The following HACD2 variants were observed in gnomAD, a reference collection of about 807,000 sequenced individuals.
The protein encoded by HACD2 is very-long-chain (3R)-3-hydroxyacyl-CoA dehydratase 2.
In HACD2, 15 loss-of-function variants were observed where a neutral mutation model predicts 31.0. That is an observed-to-expected ratio of 0.48 (90% CI 0.32 to 0.75). The LOEUF is 0.75. Ranked by LOEUF, HACD2 falls within the 30% of genes least tolerant of loss-of-function variation. The pLI is 0.03. For missense variants in HACD2, 283 were observed against 313.0 expected (o/e 0.90, Z 0.72); for synonymous variants, 115 against 122.2 (o/e 0.94, Z 0.39).
intron 1 of HACD2, among the ~76,000 whole-genome samples, chr3:123,583,402 A>G (rs1388951713): frequency 2.0e-5 from 3 of 152,218 alleles, no homozygotes; most frequent in Non-Finnish European, 4.4e-5. Context: ...ATATATAAAT[A>G]TTAATACACA....
chr3:123,563,640 TATATACACACACAC>T (rs1171288271), intron 3 of HACD2, among the ~76,000 whole-genome samples: 1,415 of 91,226 alleles, frequency 0.016, 16 homozygotes, highest in African/African-American at 0.042. Flanking sequence ...CAAAAAAATA[TATATACACACACAC>T]ACACACACAC....
intron 2 of HACD2, among the ~76,000 whole-genome samples, chr3:123,580,641 T>C (rs113437280): frequency 6.0e-4 from 90 of 149,834 alleles, no homozygotes; most frequent in African/African-American, 2.1e-3. Flanking sequence ...AAATTATCCA[T>C]GTATGGTGGT....
intron 4 of HACD2, among the ~76,000 whole-genome samples, chr3:123,505,223 G>A (rs140222766): frequency 0.015 from 2,291 of 152,298 alleles, 63 homozygotes; most frequent in African/African-American, 0.051. Context: ...CAGAGACAAA[G>A]AGTAGAGACA....
chr3:123,580,253 T>C (rs1348890748), intron 2 of HACD2, among the ~76,000 whole-genome samples: 1 of 152,066 alleles, frequency 6.6e-6, no homozygotes, highest in African/African-American at 2.4e-5. Context: ...TGGATAACTT[T>C]CTGATCTAGA....
intron 3 of HACD2, among the ~76,000 whole-genome samples, chr3:123,530,191 T>C (rs1344316041): frequency 6.6e-6 from 1 of 152,066 alleles, no homozygotes; most frequent in Non-Finnish European, 1.5e-5. Context: ...TTTGATTTCT[T>C]TGATTTCAAA....
At position 123,562,252 on chromosome 3, in the gene HACD2, T is replaced by C. The variant is rs76011920; in HGVS notation, c.292+5510A>G. On this transcript the variant is annotated intron_variant, in intron 3 of 6. Coordinates refer to ENST00000383657, the MANE Select transcript of HACD2 (RefSeq NM_198402.5). ...TCAATACAAAACAAACCACCTACTT[T>C]GAAAAAGTTGAGGTGTGGGAACTCA... Among the ~76,000 whole-genome samples, 13 of 152,260 alleles carry C rather than the reference T, an allele frequency of 8.5e-5. No homozygotes were observed. The East Asian group carries it at 2.5e-3, about 29-fold the overall frequency.
chr3:123,544,106 T>C (rs1006364082), intron 3 of HACD2, among the ~76,000 whole-genome samples: 3 of 152,128 alleles, frequency 2.0e-5, no homozygotes, highest in Non-Finnish European at 1.5e-5. Flanking sequence ...CATCCTGTAC[T>C]AATACGGGGG....
rs543543350 is a variant in HACD2 at position 123,539,261 on chromosome 3, T to C, written c.293-10787A>G. 2.6e-5 allele frequency among the ~76,000 whole-genome samples: 4 copies of C among 152,238 alleles called. No homozygotes were observed. In the South Asian group the frequency reaches 6.2e-4, roughly 24 times the overall value. On this transcript the variant is annotated intron_variant, in intron 3 of 6. Transcript: ENST00000383657. Reference sequence around the variant, plus strand: ...TTGGGAAGAAAAGCTGAAAGAGCACTATAATACATAATAAAAAACACATAT... The same window carrying C: ...TTGGGAAGAAAAGCTGAAAGAGCACCATAATACATAATAAAAAACACATAT...
intron 2 of HACD2, among the ~76,000 whole-genome samples, chr3:123,580,921 T>C (rs1357307620): frequency 6.7e-6 from 1 of 149,734 alleles, no homozygotes; most frequent in Non-Finnish European, 1.5e-5. Context: ...AGTGGCGTGA[T>C]CTCAGCTCAC....
intron 3 of HACD2, among the ~76,000 whole-genome samples, chr3:123,542,977 C>CT (rs2056512121): frequency 6.6e-6 from 1 of 152,192 alleles, no homozygotes; most frequent in South Asian, 2.1e-4. Flanking sequence ...TTCACTGTCC[C>CT]TTTGACACTC....
intron 4 of HACD2, among the ~76,000 whole-genome samples, chr3:123,516,625 G>A (rs551836126): frequency 6.6e-6 from 1 of 152,224 alleles, no homozygotes; most frequent in African/African-American, 2.4e-5. Flanking sequence ...TTTTTTTGAT[G>A]TGAATAATGG....
intron 3 of HACD2, among the ~76,000 whole-genome samples, chr3:123,552,783 TA>T (rs930483351): frequency 9.9e-5 from 15 of 151,192 alleles, no homozygotes; most frequent in African/African-American, 7.3e-5. Flanking sequence ...TTAAATTCAG[TA>T]AAAAAAAGAA....
At chr3:123,582,374 A>G in intron 1 of HACD2, 45 bp from the exon 2 acceptor site, 1 of 1,376,292 alleles carries the variant, frequency 7.3e-7, no homozygotes, top group East Asian at 2.4e-5. Flanking sequence ...AAAAATAAAA[A>G]AAGTAGCATT....
chr3:123,581,565 A>G (rs956956889), intron 2 of HACD2, among the ~76,000 whole-genome samples: 1 of 152,170 alleles, frequency 6.6e-6, no homozygotes, highest in Non-Finnish European at 1.5e-5. Flanking sequence ...AAAGCAAGAG[A>G]ATCTGGCAGT....
chr3:123,517,075 T>G (rs2056147537), intron 4 of HACD2, among the ~76,000 whole-genome samples: 2 of 152,246 alleles, frequency 1.3e-5, no homozygotes, highest in Non-Finnish European at 2.9e-5. Flanking sequence ...CAGTTACCAT[T>G]ATTATTCCAT....
At chr3:123,534,348 C>T (rs915296081) in intron 3 of HACD2, among the ~76,000 whole-genome samples, 2 of 151,994 alleles carry the variant, frequency 1.3e-5, no homozygotes, top group Non-Finnish European at 1.5e-5. Context: ...CTGAAAAATT[C>T]CTGTTACCTA....
chr3:123,543,664 G>GAA, intron 3 of HACD2: 2 of 415,418 alleles, frequency 4.8e-6, no homozygotes, highest in Non-Finnish European at 9.5e-6. Context: ...TATATTAAAG[G>GAA]AAAAAAAACT....
chr3:123,545,614 T>C (rs887475902), intron 3 of HACD2, among the ~76,000 whole-genome samples: 3 of 145,756 alleles, frequency 2.1e-5, no homozygotes, highest in Non-Finnish European at 3.0e-5. Flanking sequence ...CTGTTAAAAA[T>C]AAAAATGGGT....
At chr3:123,564,217 C>T (rs59204624) in intron 3 of HACD2, among the ~76,000 whole-genome samples, 8,631 of 152,236 alleles carry the variant, frequency 0.057, 809 homozygotes, top group African/African-American at 0.2. Flanking sequence ...CAGGAGCAGA[C>T]ATCCAGGAAA....
Sources: allele counts gnomAD v4.1 joint callset (sites outside exome capture counted in the v4.1 genomes callset), GRCh38; gene constraint gnomAD v4.1.1; transcripts MANE v1.5; gene names NCBI Gene and HGNC (gene_info 2026-07-23, HGNC 2026-07-21).